Variants in NNMT observed in about 807,000 individuals in gnomAD.
NNMT encodes nicotinamide N-methyltransferase.
Under a neutral mutation model 11.7 loss-of-function variants are expected in NNMT, and 10 were observed. The observed-to-expected ratio is 0.85, with a 90% CI of 0.53 to 1.45. NNMT has a LOEUF of 1.45. Ranked by LOEUF, NNMT falls within the 40% of genes most tolerant of loss-of-function variation. The pLI is 0.00. For synonymous variants in NNMT, 143 were observed against 133.8 expected, an observed-to-expected ratio of 1.07 and a Z score of -0.48; for missense variants, 381 against 319.4, an observed-to-expected ratio of 1.19 and a Z score of -1.47.
chr11:114,273,806 C>T (rs1945191335), intron 2 of NNMT, among the ~76,000 whole-genome samples: 1 of 152,120 alleles, frequency 6.6e-6, no homozygotes, highest in Non-Finnish European at 1.5e-5. Context: ...CTCCATTGCA[C>T]TCCAGCCTGG....
chr11:114,282,670 C>T (rs1168124471), intron 2 of NNMT, among the ~76,000 whole-genome samples: 2 of 152,258 alleles, frequency 1.3e-5, no homozygotes, highest in Non-Finnish European at 1.5e-5. Context: ...TCAAAACCCT[C>T]GCATTCCAAT....
chr11:114,283,054 A>G (rs1044727890), intron 2 of NNMT, among the ~76,000 whole-genome samples: 5 of 152,150 alleles, frequency 3.3e-5, no homozygotes, highest in African/African-American at 1.2e-4. Context: ...GATACAGGGA[A>G]CCTCATGCAC....
chr11:114,311,072 C>T (rs779693595), intron 2 of NNMT, among the ~76,000 whole-genome samples: 9 of 152,136 alleles, frequency 5.9e-5, no homozygotes, highest in Non-Finnish European at 8.8e-5. Context: ...CTCATGCCTG[C>T]AATTCCAGCA....
intron 1 of NNMT, among the ~76,000 whole-genome samples, chr11:114,297,739 G>C (rs1460740485): frequency 6.6e-6 from 1 of 152,068 alleles, no homozygotes; most frequent in Non-Finnish European, 1.5e-5. Flanking sequence ...CTCCTGCCTT[G>C]GCCTTCCAGA....
intron 1 of NNMT, among the ~76,000 whole-genome samples, chr11:114,262,080 A>T (rs1414891803): frequency 6.6e-6 from 1 of 152,172 alleles, no homozygotes; most frequent in Non-Finnish European, 1.5e-5. Flanking sequence ...CAATGGGACA[A>T]ACTCTTACTT....
At chr11:114,306,603 G>A (rs1011742567) in intron 2 of NNMT, among the ~76,000 whole-genome samples, 7 of 152,180 alleles carry the variant, frequency 4.6e-5, no homozygotes, top group Non-Finnish European at 1.0e-4. Flanking sequence ...TATTAAATAG[G>A]GAATCCTTTC....
intron 1 of NNMT, among the ~76,000 whole-genome samples, chr11:114,259,595 C>G (rs959115712): frequency 1.3e-5 from 2 of 152,158 alleles, no homozygotes; most frequent in Non-Finnish European, 2.9e-5. Flanking sequence ...TGTGTGGTTT[C>G]AGGCCCAGCC....
At chr11:114,261,524 C>T (rs1430371433) in intron 1 of NNMT, among the ~76,000 whole-genome samples, 3 of 152,126 alleles carry the variant, frequency 2.0e-5, no homozygotes, top group African/African-American at 7.2e-5. Flanking sequence ...ATGGAGGTTG[C>T]GGTGAGCCGA....
intron 1 of NNMT, among the ~76,000 whole-genome samples, chr11:114,262,369 A>G (rs918182610): frequency 1.3e-5 from 2 of 151,768 alleles, no homozygotes; most frequent in African/African-American, 4.8e-5. Flanking sequence ...CCCCAACCCA[A>G]CACAGGCCCC....
At chr11:114,279,973 C>G (rs1207625334) in intron 2 of NNMT, among the ~76,000 whole-genome samples, 3 of 152,034 alleles carry the variant, frequency 2.0e-5, no homozygotes, top group African/African-American at 7.2e-5. Flanking sequence ...ACTAGGGCGT[C>G]GAAGGTGTTT....
At chr11:114,267,360 G>T (rs890872212) in intron 2 of NNMT, among the ~76,000 whole-genome samples, 1 of 152,068 alleles carries the variant, frequency 6.6e-6, no homozygotes, top group African/African-American at 2.4e-5. Flanking sequence ...TACTTGTCAT[G>T]GTTCATGTCC....
At chr11:114,287,662 A>G (rs1378667861) in intron 2 of NNMT, among the ~76,000 whole-genome samples, 1 of 152,208 alleles carries the variant, frequency 6.6e-6, no homozygotes, top group African/African-American at 2.4e-5. Flanking sequence ...ATAAGTATTT[A>G]TATCTGGTAG....
At chr11:114,272,078 G>A (rs1237185746) in intron 2 of NNMT, among the ~76,000 whole-genome samples, 1 of 152,220 alleles carries the variant, frequency 6.6e-6, no homozygotes, top group Non-Finnish European at 1.5e-5. Flanking sequence ...GGTGGAGCTG[G>A]GCTTGCGGGG....
At chr11:114,272,463 A>G (rs114166764) in intron 2 of NNMT, among the ~76,000 whole-genome samples, 3,657 of 152,286 alleles carry the variant, frequency 0.024, 129 homozygotes, top group African/African-American at 0.081. Context: ...TAACTGACAG[A>G]CACGTTGGAC....
intron 2 of NNMT, among the ~76,000 whole-genome samples, chr11:114,309,928 G>T (rs999960231): frequency 6.6e-6 from 1 of 152,132 alleles, no homozygotes; most frequent in Non-Finnish European, 1.5e-5. Flanking sequence ...TGTCTAGAAG[G>T]TCCATCCATG....
In NNMT at chr11:114,276,107, G is replaced by GCCC. The variant is rs35929563; in HGVS notation, c.-130+13178_-130+13180dup. Among the ~76,000 whole-genome samples the GCCC allele has an allele frequency of 6.4e-3, 905 of 142,250 alleles. 9 individuals are homozygous for GCCC. Among genetic ancestry groups the GCCC allele is most frequent in the African/African-American group, 0.019 (712 of 36,968 alleles). 93.3% of individuals were successfully genotyped at this position (142,250 alleles called of 152,430 possible). ...CGTTTTCTCCCTGTGGTTTCAGGCT[G>GCCC]CCCCCCCACCCACCCTGGGTACCTG... On this transcript the variant is annotated intron_variant, in intron 2 of 4. Transcript: ENST00000535401.
intron 1 of NNMT, among the ~76,000 whole-genome samples, chr11:114,258,434 G>T (rs921690563): frequency 6.6e-6 from 1 of 152,222 alleles, no homozygotes; most frequent in African/African-American, 2.4e-5. Flanking sequence ...GTGAGAAGAG[G>T]CATAAGGGAA....
upstream of NNMT, among the ~76,000 whole-genome samples, chr11:114,294,990 T>A (rs1298222823): frequency 6.6e-6 from 1 of 152,234 alleles, no homozygotes; most frequent in Non-Finnish European, 1.5e-5. Context: ...TCTGGCTTGC[T>A]GACTCCTTGG....
chr11:114,294,075 C>G (rs1015354821), upstream of NNMT, among the ~76,000 whole-genome samples: 4 of 151,958 alleles, frequency 2.6e-5, no homozygotes, highest in Non-Finnish European at 5.9e-5. Context: ...TTTATGGGAG[C>G]TAAAAACTAA....
Sources: gnomAD v4.1 joint callset for allele counts (sites outside exome capture counted in the v4.1 genomes callset) on GRCh38, gnomAD v4.1.1 for gene constraint, MANE v1.5 for transcripts, NCBI Gene and HGNC (gene_info 2026-07-23, HGNC 2026-07-21) for gene names.